The following ENPP1 variants were observed in gnomAD, a reference collection of about 807,000 sequenced individuals.
The protein encoded by ENPP1 is ectonucleotide pyrophosphatase/phosphodiesterase family member 1.
ENPP1 carries 73 observed loss-of-function variants against 122.8 expected under a neutral mutation model. The observed-to-expected ratio is 0.59, with a 90% CI of 0.49 to 0.72. The LOEUF is 0.72. ENPP1 is among the 30% of genes least tolerant of loss of function. ENPP1 has a pLI of 0.00. For synonymous variants in ENPP1, 367 were observed against 391.6 expected, an observed-to-expected ratio of 0.94 and a Z score of 0.74; for missense variants, 978 against 1,128.1, an observed-to-expected ratio of 0.87 and a Z score of 1.91.
intron 1 of ENPP1, chr6:131,826,438 G>T: frequency 1.1e-6 from 1 of 930,976 alleles, no homozygotes; most frequent in Non-Finnish European, 1.7e-6. Context: ...TAATGCCCCA[G>T]TTTATCCAGG....
chr6:131,850,024 A>T lies in ENPP1; in HGVS notation c.348A>T (p.Thr116=), dbSNP rs779629624. ...GCAAAGGTCGCTGTTTCGAGAGAACATTTGGGAACTGTCGCTGTGATGCTG... is the reference window on the plus strand; with the variant it reads ...GCAAAGGTCGCTGTTTCGAGAGAACTTTTGGGAACTGTCGCTGTGATGCTG... The part of the protein sequence containing the change: ...KSCKGRCFER[T]FGNCRCDAAC... Residue 116 remains threonine (T), a synonymous_variant, in exon 3 of 25, where the codon ACA becomes ACT. Coordinates refer to ENST00000647893, the MANE Select transcript of ENPP1 (RefSeq NM_006208.3). The T allele has an allele frequency of 1.9e-6, 3 of 1,613,932 alleles. No individual in the cohort carries two copies. The African/African-American group carries it at 4.0e-5, about 22-fold the overall frequency.
In ENPP1 at chr6:131,880,023, G is replaced by A. The variant is rs762065573; in HGVS notation, c.2089G>A (p.Val697Met). 3.3e-5 allele frequency: 53 copies of A among 1,613,830 alleles called. No individual in the cohort carries two copies. In the East Asian group the frequency reaches 7.8e-4, roughly 24 times the overall value. Residue 697 changes from valine to methionine, a missense_variant, in exon 20 of 25, where the codon GTG becomes ATG. Coordinates refer to ENST00000647893, the MANE Select transcript of ENPP1 (RefSeq NM_006208.3). ...AATGCCCCTTTGGACATCCTATACC[G>A]TGGACAGAAATGCAAGTATTTGTCA... Reference protein sequence around the residue: ...ILMPLWTSYTVDRNDSFSTED... With the variant: ...ILMPLWTSYTMDRNDSFSTED...
Position 131,851,242 on chromosome 6 carries a change from C to G in ENPP1, c.531C>G (p.Cys177Trp). 5 of 1,614,140 alleles carry G rather than the reference C, an allele frequency of 3.1e-6. No individual in the cohort carries two copies. The highest frequency in any genetic ancestry group is 3.4e-6 in the Non-Finnish European group (4 of 1,179,992). The change falls in exon 4 of 25, where the codon TGC (cysteine) becomes TGG (tryptophan). Residue 177 changes from cysteine to tryptophan, a missense_variant. Physicochemically the swap from Cys to Trp is radical, Grantham distance 215. This residue lies in a region of ENPP1 where 330 missense variants were observed against 328.5 expected (regional missense o/e 1.00). Transcript: ENST00000647893. The part of the protein sequence containing the change: ...SDDCKDKGDC[C>W]INYSSVCQGE... The stretch of plus-strand genomic sequence containing the variant: ...ACTGCAAGGACAAGGGCGACTGCTG[C>G]ATCAACTACAGTTCTGTGTGTCAAG...
intron 1 of ENPP1, among the ~76,000 whole-genome samples, chr6:131,825,304 T>C (rs1166110528): frequency 1.3e-5 from 2 of 152,194 alleles, no homozygotes; most frequent in Non-Finnish European, 2.9e-5. Context: ...CTTTTTGTTG[T>C]TGTTGTTGTT....
At chr6:131,834,044 C>T (rs1036376864) in intron 1 of ENPP1, among the ~76,000 whole-genome samples, 15 of 152,148 alleles carry the variant, frequency 9.9e-5, no homozygotes, top group African/African-American at 2.2e-4. Context: ...GATACAATGA[C>T]GGTCTACAAG....
At chr6:131,813,688 T>C (rs1246004247) in intron 1 of ENPP1, among the ~76,000 whole-genome samples, 1 of 152,186 alleles carries the variant, frequency 6.6e-6, no homozygotes, top group Non-Finnish European at 1.5e-5. Context: ...CTTATTTCTA[T>C]TGTAACATTA....
rs1169842504 is a variant in ENPP1, at chr6:131,853,171, TC to T, written c.617+937del. Among the ~76,000 whole-genome samples the T allele has an allele frequency of 1.1e-4, 16 of 152,292 alleles. 1 individual carries two copies. The highest frequency in any genetic ancestry group is 6.2e-4 in the South Asian group (3 of 4,824). On this transcript the variant is annotated intron_variant, in intron 5 of 24. Coordinates refer to ENST00000647893, the MANE Select transcript of ENPP1 (RefSeq NM_006208.3). ...TTTTTGTTATATGTCTTCTTTTTTT[TC>T]TTTTGGAAGGAAAAGTACTTTTGAT...
intron 1 of ENPP1, among the ~76,000 whole-genome samples, chr6:131,816,669 T>A (rs184987107): frequency 1.3e-5 from 2 of 152,252 alleles, no homozygotes; most frequent in East Asian, 1.9e-4. Context: ...AATTAAGATA[T>A]CTGTAGTGTC....
chr6:131,849,745 A>C (rs946597884), intron 2 of ENPP1, among the ~76,000 whole-genome samples: 1 of 152,230 alleles, frequency 6.6e-6, no homozygotes, highest in African/African-American at 2.4e-5. Context: ...TAATCATTAA[A>C]AAGTTATCTT....
chr6:131,881,666 G>A (rs1379095212), intron 20 of ENPP1, among the ~76,000 whole-genome samples: 5 of 152,180 alleles, frequency 3.3e-5, no homozygotes, highest in African/African-American at 7.2e-5. Flanking sequence ...GGCAGATCAC[G>A]AGGTCAGGAG....
chr6:131,834,650 G>C (rs1441200256), intron 1 of ENPP1, among the ~76,000 whole-genome samples: 1 of 151,686 alleles, frequency 6.6e-6, no homozygotes, highest in Non-Finnish European at 1.5e-5. Context: ...CCTGCCTTAG[G>C]CCCCTGAGTT....
intron 1 of ENPP1, among the ~76,000 whole-genome samples, chr6:131,819,100 T>C (rs1562509106): frequency 6.6e-6 from 1 of 152,226 alleles, no homozygotes; most frequent in African/African-American, 2.4e-5. Context: ...TTTTTTCATG[T>C]TGTTTAATGA....
chr6:131,870,708 T>A (rs1330338192), intron 13 of ENPP1, among the ~76,000 whole-genome samples: 1 of 152,230 alleles, frequency 6.6e-6, no homozygotes, highest in Non-Finnish European at 1.5e-5. Context: ...TGCATATGCC[T>A]AATACCAAGT....
At chr6:131,885,118 G>A in intron 23 of ENPP1, 55 bp downstream of exon 23, 1 of 1,570,252 alleles carries the variant, frequency 6.4e-7, no homozygotes. Context: ...AGTAGAAATG[G>A]GATTACCATC....
At chr6:131,845,451 G>GTTTTTTTTTTT (rs34638422) in intron 1 of ENPP1, among the ~76,000 whole-genome samples, 8 of 133,054 alleles carry the variant, frequency 6.0e-5, no homozygotes, top group Non-Finnish European at 9.4e-5. Flanking sequence ...GTTTTGGCTT[G>GTTTTTTTTTTT]TTTTTTTTTT....
chr6:131,831,575 G>A lies in ENPP1; in HGVS notation c.241-16201G>A, dbSNP rs539759268. On this transcript the variant is annotated intron_variant, in intron 1 of 24. Transcript: ENST00000647893. Reference sequence around the variant, plus strand: ...TTCCTTGTTTTTGATGACCTTGACAGTTTTAAAGAGTATGAGTCATGTATT... The same window carrying A: ...TTCCTTGTTTTTGATGACCTTGACAATTTTAAAGAGTATGAGTCATGTATT... Among the ~76,000 whole-genome samples, 3 of 152,240 alleles carry A rather than the reference G, an allele frequency of 2.0e-5. No individual in the cohort carries two copies. The South Asian group carries it at 6.2e-4, about 32-fold the overall frequency.
intron 1 of ENPP1, among the ~76,000 whole-genome samples, chr6:131,815,871 A>ATTTTT: frequency 8.6e-6 from 1 of 115,840 alleles, no homozygotes; most frequent in Non-Finnish European, 1.7e-5. Context: ...CACCTGGCTA[A>ATTTTT]TTTTTTTTTT....
At position 131,847,875 on chromosome 6, in the gene ENPP1, G is replaced by T. The variant is rs773639944; in HGVS notation, c.313+27G>T. ...TAATTAGGTGTGTGTGTGTGTGTGT[G>T]TGTGTGTGTGTGTGTGTGTATGTGT... On this transcript the variant is annotated intron_variant, in intron 2 of 24. Transcript: ENST00000647893. 2.4e-5 allele frequency: 34 copies of T among 1,446,672 alleles called. No homozygotes were observed. The African/African-American group carries it at 4.4e-4, about 19-fold the overall frequency. 89.6% of individuals were successfully genotyped at this position (1,446,672 alleles called of 1,614,324 possible).
intron 1 of ENPP1, among the ~76,000 whole-genome samples, chr6:131,822,911 C>T (rs1781500067): frequency 6.6e-6 from 1 of 151,998 alleles, no homozygotes; most frequent in African/African-American, 2.4e-5. Context: ...AAAATAATAG[C>T]TTCTCTGCAT....
Sources: allele counts gnomAD v4.1 joint callset (sites outside exome capture counted in the v4.1 genomes callset), GRCh38; gene constraint gnomAD v4.1.1; regional missense constraint gnomAD v4.1.1; transcripts MANE v1.5; gene names NCBI Gene and HGNC (gene_info 2026-07-23, HGNC 2026-07-21).